Variants in CSMD1 observed in about 807,000 individuals in gnomAD.
CSMD1 encodes the protein CUB and sushi domain-containing protein 1.
In CSMD1, 213 loss-of-function variants were observed where a neutral mutation model predicts 417.5. That is an observed-to-expected ratio of 0.51 (90% confidence interval 0.46 to 0.57). CSMD1 has a LOEUF of 0.57. CSMD1 is among the 20% of genes least tolerant of loss of function. CSMD1 has a pLI of 0.00. For missense variants in CSMD1, 6,923 were observed against 4,529.7 expected, an observed-to-expected ratio of 1.53 and a Z score of -15.17; for synonymous variants, 2,862 against 1,736.8, an observed-to-expected ratio of 1.65 and a Z score of -16.11.
intron 9 of CSMD1, among the ~76,000 whole-genome samples, chr8:3,579,346 T>C (rs1325052556): frequency 1.3e-5 from 2 of 152,178 alleles, no homozygotes; most frequent in Non-Finnish European, 2.9e-5. Context: ...TTAATAAAAG[T>C]AATAACTTAT....
chr8:3,288,821 C>G lies in CSMD1; in HGVS notation c.3951-4475G>C, dbSNP rs146227904. ...TAGACTAATTCCTATAATTGTATTT[C>G]TTTTATTTTATTTTATTATTATACT... On this transcript the variant is annotated intron_variant, in intron 25 of 69. Transcript: ENST00000635120. 2.0e-5 allele frequency among the ~76,000 whole-genome samples: 3 copies of G among 146,504 alleles called. 1 individual carries two copies. The highest frequency in any genetic ancestry group is 1.3e-4 in the Admixed American group (2 of 14,852).
intron 3 of CSMD1, among the ~76,000 whole-genome samples, chr8:4,315,480 A>G (rs992457798): frequency 3.9e-5 from 6 of 152,226 alleles, no homozygotes; most frequent in African/African-American, 1.4e-4. Context: ...GCCTGACTCA[A>G]GATAAAGGAT....
At chr8:3,666,201 C>G (rs375421726) in intron 7 of CSMD1, among the ~76,000 whole-genome samples, 1 of 152,224 alleles carries the variant, frequency 6.6e-6, no homozygotes, top group East Asian at 1.9e-4. Flanking sequence ...TGGCTTGATG[C>G]TTTGTTTTTC....
At chr8:3,269,512 G>A (rs1801678818) in intron 26 of CSMD1, among the ~76,000 whole-genome samples, 1 of 152,174 alleles carries the variant, frequency 6.6e-6, no homozygotes, top group Non-Finnish European at 1.5e-5. Flanking sequence ...CACCTATTAA[G>A]TTATCTTTCA....
At chr8:4,558,357 T>A (rs1174317399) in intron 2 of CSMD1, among the ~76,000 whole-genome samples, 3 of 152,232 alleles carry the variant, frequency 2.0e-5, no homozygotes, top group African/African-American at 7.2e-5. Context: ...CGTAGTATTA[T>A]ATTATGAAGC....
At chr8:3,482,855 T>C (rs537912984) in intron 11 of CSMD1, among the ~76,000 whole-genome samples, 36 of 152,140 alleles carry the variant, frequency 2.4e-4, no homozygotes, top group Admixed American at 1.6e-3. Flanking sequence ...CATATGGAAG[T>C]TAAATAACAC....
At chr8:4,019,731 C>T (rs1255080010) in intron 4 of CSMD1, among the ~76,000 whole-genome samples, 1 of 152,046 alleles carries the variant, frequency 6.6e-6, no homozygotes, top group Non-Finnish European at 1.5e-5. Flanking sequence ...TATGAATGTG[C>T]CTGTTGTAGA....
intron 2 of CSMD1, among the ~76,000 whole-genome samples, chr8:4,545,762 T>C (rs1207949231): frequency 6.6e-6 from 1 of 152,198 alleles, no homozygotes; most frequent in African/African-American, 2.4e-5. Flanking sequence ...AAAACGCATC[T>C]GTACCTGGAA....
intron 6 of CSMD1, among the ~76,000 whole-genome samples, chr8:3,731,018 CA>C (rs1008985244): frequency 4.8e-4 from 73 of 152,302 alleles, no homozygotes; most frequent in African/African-American, 1.7e-3. Flanking sequence ...ATTGAACCTA[CA>C]GATACCCATC....
At chr8:4,560,729 C>T (rs1170124209) in intron 2 of CSMD1, among the ~76,000 whole-genome samples, 2 of 152,194 alleles carry the variant, frequency 1.3e-5, no homozygotes, top group African/African-American at 2.4e-5. Context: ...GTTTGAGACT[C>T]TTCGGTTCCC....
At chr8:3,518,522 T>C (rs1216289582) in intron 10 of CSMD1, among the ~76,000 whole-genome samples, 2 of 152,252 alleles carry the variant, frequency 1.3e-5, no homozygotes, top group South Asian at 2.1e-4. Flanking sequence ...ATGACTAAAA[T>C]GATCAATGAT....
rs777606817 is a variant in CSMD1 at position 3,307,714 on chromosome 8, C to T, written c.3931G>A (p.Asp1311Asn). ...NLHCTWIIEADPGKTISLHFI... is the reference protein window; with the variant it reads ...NLHCTWIIEANPGKTISLHFI... Reference sequence around the variant, plus strand: ...AAGTACCTAATGGTCTTTCCTGGGTCTGCCTCTATAATCCAGGTGCAGTGG... The same window carrying T: ...AAGTACCTAATGGTCTTTCCTGGGTTTGCCTCTATAATCCAGGTGCAGTGG... The change falls in exon 25 of 70, where the codon GAC (aspartate) becomes AAC (asparagine). Residue 1311 changes from aspartate (D) to asparagine (N), a missense_variant. Transcript: ENST00000635120. 2 of 1,613,586 alleles carry T rather than the reference C, an allele frequency of 1.2e-6. No individual in the cohort carries two copies. The highest frequency in any genetic ancestry group is 1.7e-6 in the Non-Finnish European group (2 of 1,179,658).
chr8:4,641,894 A>T (rs780044799), intron 1 of CSMD1, among the ~76,000 whole-genome samples: 2 of 152,244 alleles, frequency 1.3e-5, no homozygotes, highest in African/African-American at 2.4e-5. Context: ...AAACATAAAC[A>T]TCACTCATAG....
At chr8:4,444,094 C>G (rs77439086) in intron 2 of CSMD1, among the ~76,000 whole-genome samples, 1 of 151,970 alleles carries the variant, frequency 6.6e-6, no homozygotes, top group Non-Finnish European at 1.5e-5. Flanking sequence ...GTAACCCCAG[C>G]ACTTTGGGAG....
chr8:4,170,302 T>TCC (rs1797698721), intron 3 of CSMD1, among the ~76,000 whole-genome samples: 1 of 151,922 alleles, frequency 6.6e-6, no homozygotes, highest in African/African-American at 2.4e-5. Flanking sequence ...AGCATTTGCG[T>TCC]CTCAATGATA....
chr8:4,776,625 G>T (rs1020421384), intron 1 of CSMD1, among the ~76,000 whole-genome samples: 1 of 152,142 alleles, frequency 6.6e-6, no homozygotes, highest in Non-Finnish European at 1.5e-5. Context: ...CTATCACATA[G>T]AAAATATTTA....
intron 1 of CSMD1, among the ~76,000 whole-genome samples, chr8:4,757,866 G>A (rs540039960): frequency 6.8e-6 from 1 of 147,190 alleles, no homozygotes; most frequent in Non-Finnish European, 1.5e-5. Flanking sequence ...AGCTGAGGCA[G>A]AAGAATCGCT....
rs573647124 is a variant in CSMD1 at position 3,828,386 on chromosome 8, A to G, written c.819-74344T>C. ...TTTCATAGAATATTTAGTTTTGAGGAAACTGCGTTACCATATTGTCATATT... is the reference window on the plus strand; with the variant it reads ...TTTCATAGAATATTTAGTTTTGAGGGAACTGCGTTACCATATTGTCATATT... On this transcript the variant is annotated intron_variant, in intron 5 of 69. Transcript: ENST00000635120. Among the ~76,000 whole-genome samples the G allele has an allele frequency of 2.1e-4, 32 of 152,304 alleles. No individual in the cohort carries two copies. The South Asian group carries it at 6.4e-3, about 31-fold the overall frequency.
At chr8:3,779,306 A>T (rs188911102) in intron 5 of CSMD1, among the ~76,000 whole-genome samples, 161 of 152,140 alleles carry the variant, frequency 1.1e-3, no homozygotes, top group African/African-American at 3.8e-3. Flanking sequence ...GAACTTTTCT[A>T]TTGATTTTTA....
Sources: gnomAD v4.1 joint callset for allele counts (sites outside exome capture counted in the v4.1 genomes callset) on GRCh38, gnomAD v4.1.1 for gene constraint, MANE v1.5 for transcripts, NCBI Gene and HGNC (gene_info 2026-07-23, HGNC 2026-07-21) for gene names.